DRC8: variants seen among roughly 807,000 people sequenced by gnomAD.
DRC8 encodes the protein dynein regulatory complex protein 8.
the DRC8 span, among the ~76,000 whole-genome samples, chr1:244,973,780 AC>A: frequency 6.6e-6 from 1 of 152,230 alleles, no homozygotes; most frequent in African/African-American, 2.4e-5. Context: ...GTTTCAGGGT[AC>A]CTATCCTATC....
the DRC8 span, among the ~76,000 whole-genome samples, chr1:245,113,363 T>C: frequency 2.0e-5 from 3 of 152,238 alleles, no homozygotes; most frequent in Non-Finnish European, 2.9e-5. Context: ...TGGAGGTTGC[T>C]GACCACAGGC....
chr1:245,026,734 A>G, the DRC8 span, among the ~76,000 whole-genome samples: 1 of 152,244 alleles, frequency 6.6e-6, no homozygotes, highest in African/African-American at 2.4e-5. Flanking sequence ...TGTAACTTGG[A>G]TAAATCTCAA....
the DRC8 span, among the ~76,000 whole-genome samples, chr1:245,057,182 T>G: frequency 6.6e-6 from 1 of 152,158 alleles, no homozygotes; most frequent in African/African-American, 2.4e-5. Flanking sequence ...TTATGTCTGT[T>G]GTAACATCCG....
the DRC8 span, among the ~76,000 whole-genome samples, chr1:244,974,226 T>C: frequency 1.1e-4 from 16 of 152,358 alleles, no homozygotes; most frequent in South Asian, 2.7e-3. Context: ...CCTTAAATCT[T>C]ATTGTTTCTG....
chr1:245,081,352 A>G, the DRC8 span, among the ~76,000 whole-genome samples: 11 of 152,042 alleles, frequency 7.2e-5, no homozygotes, highest in East Asian at 2.1e-3. Context: ...TAGTAGAGAC[A>G]GGGTTTCACC....
chr1:244,973,792 C>T, the DRC8 span, among the ~76,000 whole-genome samples: 11 of 152,122 alleles, frequency 7.2e-5, no homozygotes, highest in Admixed American at 6.6e-4. Flanking sequence ...CTATCCTATC[C>T]ACTCTTCTTC....
chr1:245,087,784 T>A, the DRC8 span: 1 of 962,594 alleles, frequency 1.0e-6, no homozygotes, highest in Non-Finnish European at 1.2e-6. Context: ...CAATAACAAA[T>A]GCTTCATCAA....
At chr1:245,104,794 A>C in the DRC8 span, among the ~76,000 whole-genome samples, 4 of 152,206 alleles carry the variant, frequency 2.6e-5, no homozygotes, top group Admixed American at 6.5e-5. Flanking sequence ...AAAGCTAACA[A>C]TAATTCTGTA....
chr1:244,970,422 G>A, the DRC8 span: 1 of 1,538,516 alleles, frequency 6.5e-7, no homozygotes, highest in Admixed American at 1.9e-5. Flanking sequence ...CAGCAAGATG[G>A]CGGACGAGAA....
At chr1:244,972,635 A>G in the DRC8 span, among the ~76,000 whole-genome samples, 1 of 152,120 alleles carries the variant, frequency 6.6e-6, no homozygotes, top group Non-Finnish European at 1.5e-5. Flanking sequence ...CCTGGCCAAC[A>G]TGGTGAACCC....
chr1:245,109,506 C>T, the DRC8 span, among the ~76,000 whole-genome samples: 173 of 152,274 alleles, frequency 1.1e-3, no homozygotes, highest in African/African-American at 3.5e-3. Context: ...ACCCTCATGC[C>T]GGTACGCCTG....
At chr1:244,970,862 G>A in the DRC8 span, 1 of 250,664 alleles carries the variant, frequency 4.0e-6, no homozygotes, top group South Asian at 7.2e-5. Flanking sequence ...TGATAATGGC[G>A]TCGTTGTTCA....
the DRC8 span, chr1:245,023,135 A>G: frequency 6.6e-6 from 1 of 152,074 alleles, no homozygotes; most frequent in Non-Finnish European, 1.5e-5. Flanking sequence ...AACAAACAAT[A>G]TTTGTCTTGT....
chr1:245,023,305 T>C, the DRC8 span, among the ~76,000 whole-genome samples: 1 of 152,240 alleles, frequency 6.6e-6, no homozygotes, highest in African/African-American at 2.4e-5. Flanking sequence ...GTTTTCATCT[T>C]CTGACTGTTG....
the DRC8 span, among the ~76,000 whole-genome samples, chr1:244,972,474 A>G: frequency 6.6e-6 from 1 of 152,356 alleles, no homozygotes; most frequent in Middle Eastern, 3.4e-3. Flanking sequence ...CACCGACCTA[A>G]TAATGAATCA....
the DRC8 span, chr1:245,122,292 A>G: frequency 6.1e-6 from 1 of 164,638 alleles, no homozygotes; most frequent in Non-Finnish European, 1.3e-5. Context: ...GCTTAGAAGT[A>G]CCCAGAAGCA....
At chr1:245,104,075 G>A in the DRC8 span, among the ~76,000 whole-genome samples, 10 of 152,180 alleles carry the variant, frequency 6.6e-5, no homozygotes, top group South Asian at 2.1e-4. Flanking sequence ...TGGGGATGTG[G>A]GGATATAGGA....
At chr1:245,017,291 CTT>C in the DRC8 span, 1 of 1,608,882 alleles carries the variant, frequency 6.2e-7, no homozygotes, top group East Asian at 2.2e-5. Flanking sequence ...CATTTGAAGT[CTT>C]TGACCATGAG....
the DRC8 span, among the ~76,000 whole-genome samples, chr1:245,030,105 C>T: frequency 7.9e-5 from 12 of 152,274 alleles, no homozygotes; most frequent in South Asian, 8.3e-4. Context: ...TAGATTCACT[C>T]GAAAAGTGTG....
Sources: allele counts gnomAD v4.1 joint callset (sites outside exome capture counted in the v4.1 genomes callset), GRCh38; gene constraint gnomAD v4.1.1; transcripts MANE v1.5; gene names NCBI Gene and HGNC (gene_info 2026-07-23, HGNC 2026-07-21).